TANGO6: variants seen among roughly 807,000 people sequenced by gnomAD.
TANGO6 encodes transport and golgi organization 6 homolog.
A neutral mutation model predicts 114.2 loss-of-function variants in TANGO6; 90 were observed. That is an observed-to-expected ratio of 0.79 (90% CI 0.66 to 0.94). The LOEUF (loss-of-function observed/expected upper bound fraction) is 0.94, where lower values mean the gene tolerates loss of function less well. Among genes scored for constraint, TANGO6 ranks in the 40% least tolerant of loss-of-function variants. TANGO6 has a pLI of 0.00. For synonymous variants in TANGO6, 477 were observed against 509.8 expected (o/e 0.94, Z 0.87); for missense variants, 1,274 against 1,315.3 (o/e 0.97, Z 0.49).
At chr16:68,894,351 G>T (rs1962675007) in intron 7 of TANGO6, among the ~76,000 whole-genome samples, 1 of 152,140 alleles carries the variant, frequency 6.6e-6, no homozygotes, top group African/African-American at 2.4e-5. Flanking sequence ...AACCTGCATA[G>T]GAGTTCAGAA....
intron 17 of TANGO6, among the ~76,000 whole-genome samples, chr16:69,065,978 A>G (rs938243223): frequency 6.6e-6 from 1 of 152,060 alleles, no homozygotes; most frequent in Non-Finnish European, 1.5e-5. Context: ...TAGAGAGGCC[A>G]CTCGCCTCAA....
At chr16:69,073,052 C>T (rs546241549) in intron 17 of TANGO6, among the ~76,000 whole-genome samples, 1 of 149,184 alleles carries the variant, frequency 6.7e-6, no homozygotes, top group African/African-American at 2.5e-5. Flanking sequence ...CAGAGTGAGA[C>T]CTTCTTTAAA....
chr16:68,980,439 T>A (rs867771957), intron 15 of TANGO6, among the ~76,000 whole-genome samples: 1,395 of 84,360 alleles, frequency 0.017, 5 homozygotes, highest in Middle Eastern at 0.038. Context: ...ATATATATTT[T>A]TTTTTTTTTT....
Position 68,902,347 on chromosome 16 carries a change from T to G in TANGO6, c.1510T>G (p.Leu504Val), listed in dbSNP as rs376607206. The G allele has an allele frequency of 3.1e-5, 50 of 1,610,408 alleles. No individual in the cohort carries two copies. The African/African-American group carries it at 6.2e-4, about 20-fold the overall frequency. ...TGCCAGGTCACTTTGCCAAGAAATC[T>G]TATTATGGATTCTGGGGAAGCTGGA... ...SHIRSLCQEI[L>V]LWILGKLERK... The change falls in exon 9 of 18, where the codon TTA (leucine) becomes GTA (valine). Residue 504 changes from leucine to valine, a missense_variant. Leu to Val is a conservative substitution (Grantham distance 32). This residue lies in a region of TANGO6 where 908 missense variants were observed against 910.2 expected (regional missense o/e 1.00). Transcript: ENST00000261778.
chr16:69,017,901 CTTT>C (rs1018228039), intron 15 of TANGO6, among the ~76,000 whole-genome samples: 11 of 137,194 alleles, frequency 8.0e-5, no homozygotes, highest in East Asian at 2.1e-4. Context: ...AGTTGGAAAT[CTTT>C]TTTTTTTTTT....
intron 16 of TANGO6, among the ~76,000 whole-genome samples, chr16:69,024,499 C>T (rs977342403): frequency 2.6e-5 from 4 of 152,010 alleles, no homozygotes; most frequent in African/African-American, 7.2e-5. Flanking sequence ...GAACTCCTGC[C>T]TTTGTGATCT....
chr16:68,983,020 C>CT (rs548361636), intron 15 of TANGO6, among the ~76,000 whole-genome samples: 3 of 150,256 alleles, frequency 2.0e-5, no homozygotes, highest in Admixed American at 6.6e-5. Flanking sequence ...CTTGTTATTT[C>CT]TTTTTTTTTA....
intron 17 of TANGO6, among the ~76,000 whole-genome samples, chr16:69,063,808 C>CTTCTTATTA (rs56983779): frequency 0.016 from 1,998 of 125,486 alleles, 19 homozygotes; most frequent in Admixed American, 0.021. Context: ...TCTTCTTCTT[C>CTTCTTATTA]TTATTATTAT....
At chr16:69,000,335 A>C (rs1012650621) in intron 15 of TANGO6, among the ~76,000 whole-genome samples, 2 of 152,192 alleles carry the variant, frequency 1.3e-5, no homozygotes, top group Non-Finnish European at 2.9e-5. Context: ...AAAAAGACTT[A>C]ATTTAGAATT....
At chr16:68,868,313 A>G (rs541709203) in intron 4 of TANGO6, among the ~76,000 whole-genome samples, 56 of 152,096 alleles carry the variant, frequency 3.7e-4, no homozygotes, top group African/African-American at 1.3e-3. Context: ...TTTTTAATTT[A>G]TGTTTTTTAT....
intron 7 of TANGO6, among the ~76,000 whole-genome samples, chr16:68,897,387 C>G (rs990093573): frequency 6.6e-6 from 1 of 152,104 alleles, no homozygotes; most frequent in Non-Finnish European, 1.5e-5. Flanking sequence ...TGTTCAGCAC[C>G]GTATCTGCAG....
chr16:69,016,439 C>T (rs1026866079), intron 15 of TANGO6, among the ~76,000 whole-genome samples: 1 of 151,912 alleles, frequency 6.6e-6, no homozygotes, highest in African/African-American at 2.4e-5. Context: ...GAATGAGATA[C>T]CTCTTAGTGT....
intron 14 of TANGO6, among the ~76,000 whole-genome samples, chr16:68,971,345 ACTGCGGC>A (rs1307170644): frequency 1.3e-5 from 2 of 151,988 alleles, no homozygotes; most frequent in African/African-American, 4.8e-5. Flanking sequence ...ATCATAGCTT[ACTGCGGC>A]CTAGAACTTG....
chr16:69,077,343 G>A (rs13335816), intron 17 of TANGO6, among the ~76,000 whole-genome samples: 3,597 of 152,174 alleles, frequency 0.024, 146 homozygotes, highest in African/African-American at 0.081. Flanking sequence ...GGGACCTTGT[G>A]TGACTGCAGG....
chr16:69,023,115 C>A, intron 16 of TANGO6, 136 bp downstream of exon 16: 2 of 901,264 alleles, frequency 2.2e-6, no homozygotes, highest in Non-Finnish European at 1.6e-6. Context: ...GCAAGTGAGC[C>A]ATTGAACTTC....
At chr16:68,966,431 G>A (rs553864866) in intron 14 of TANGO6, among the ~76,000 whole-genome samples, 1 of 151,834 alleles carries the variant, frequency 6.6e-6, no homozygotes, top group Non-Finnish European at 1.5e-5. Flanking sequence ...TTGAATCCGG[G>A]AGGCAGAGGT....
rs560300655 is a variant in TANGO6 at position 68,905,700 on chromosome 16, G to A, written c.1668-1743G>A. On this transcript the variant is annotated intron_variant, in intron 9 of 17. Transcript: ENST00000261778. Reference sequence around the variant, plus strand: ...CAGCCTGGGCAATGTGGCAAAACCCGGTTTCTACAAAAAAATACAAAAATT... The same window carrying A: ...CAGCCTGGGCAATGTGGCAAAACCCAGTTTCTACAAAAAAATACAAAAATT... Among the ~76,000 whole-genome samples the A allele has an allele frequency of 4.0e-5, 6 of 151,662 alleles. No individual in the cohort carries two copies. The South Asian group carries it at 8.4e-4, about 21-fold the overall frequency.
chr16:68,922,723 C>T (rs371645899), intron 12 of TANGO6, among the ~76,000 whole-genome samples: 2 of 152,000 alleles, frequency 1.3e-5, no homozygotes, highest in African/African-American at 4.8e-5. Context: ...CTCTAAAGCA[C>T]GAGGCTGAGC....
chr16:68,975,386 CT>C (rs879895723), intron 15 of TANGO6, among the ~76,000 whole-genome samples: 215 of 143,808 alleles, frequency 1.5e-3, no homozygotes, highest in Middle Eastern at 3.5e-3. Flanking sequence ...AACTGCCGCG[CT>C]TTTTTTTTTT....
Sources: gnomAD v4.1 joint callset for allele counts (sites outside exome capture counted in the v4.1 genomes callset) on GRCh38, gnomAD v4.1.1 for gene constraint, gnomAD v4.1.1 regional missense constraint, MANE v1.5 for transcripts, NCBI Gene and HGNC (gene_info 2026-07-23, HGNC 2026-07-21) for gene names.